Variants in WDR27 observed in about 807,000 individuals in gnomAD.
WDR27 encodes WD repeat domain 27, also known as WD repeat-containing protein 27.
A neutral mutation model predicts 114.4 loss-of-function variants in WDR27; 100 were observed. That is an observed-to-expected ratio of 0.87 (90% CI 0.74 to 1.03). The LOEUF is 1.03. Ranked by LOEUF, WDR27 falls within the 50% of genes least tolerant of loss-of-function variation. The pLI is 0.00. For synonymous variants in WDR27, 449 were observed against 423.1 expected, an observed-to-expected ratio of 1.06 and a Z score of -0.75; for missense variants, 1,129 against 1,092.9, an observed-to-expected ratio of 1.03 and a Z score of -0.47.
At chr6:169,456,446 G>A (rs769316275), downstream of WDR27, among the ~76,000 whole-genome samples, 2 of 152,158 alleles carry the variant, frequency 1.3e-5, no homozygotes, top group Non-Finnish European at 2.9e-5. The surrounding 1 kb of genome is among the most constrained non-coding windows in gnomAD (Gnocchi z 4.0). Context: ...CTCTAGATCA[G>A]GGCATTCCGG....
At chr6:169,687,936 G>A (rs976882421) in intron 2 of WDR27, among the ~76,000 whole-genome samples, 1 of 152,102 alleles carries the variant, frequency 6.6e-6, no homozygotes, top group Admixed American at 6.5e-5. Context: ...GCAATTATGT[G>A]TGTGTGCACC....
chr6:169,582,798 T>C, intron 24 of WDR27, 38 bp downstream of exon 24: 1 of 1,516,450 alleles, frequency 6.6e-7, no homozygotes, highest in East Asian at 2.3e-5. Context: ...AAGACTTGTA[T>C]GCAGCAGAGG....
rs138642064 is a variant in WDR27 at position 169,675,229 on chromosome 6, T to C, written c.190-2833A>G. 1.6e-3 allele frequency among the ~76,000 whole-genome samples: 236 copies of C among 152,202 alleles called. 2 individuals carry two copies. In the East Asian group the frequency reaches 0.038, roughly 24 times the overall value. On this transcript the variant is annotated intron_variant, in intron 2 of 25. Transcript: ENST00000448612. ...TCATGGGGGCAGATCCCTCATGGCA[T>C]GGTGCCATCCTCACCATGGTGAGTT...
Position 169,624,200 on chromosome 6 carries a change from G to A in WDR27, c.2223+8747C>T, listed in dbSNP as rs1584680682. The stretch of plus-strand genomic sequence containing the variant: ...GTGCAGCGTGTGGCATCAGGTGTGC[G>A]GCATGTGGCAGGTGTTCCGTGTGCG... On this transcript the variant is annotated intron_variant, in intron 21 of 25. Transcript: ENST00000448612. 4.0e-5 allele frequency among the ~76,000 whole-genome samples: 6 copies of A among 149,962 alleles called. No homozygotes were observed. The South Asian group carries it at 6.4e-4, about 16-fold the overall frequency.
At chr6:169,551,577 A>G (rs1225032406) in intron 25 of WDR27, among the ~76,000 whole-genome samples, 2 of 152,022 alleles carry the variant, frequency 1.3e-5, no homozygotes, top group Non-Finnish European at 2.9e-5. Flanking sequence ...TCTACTAAAA[A>G]TACAAAAAAA....
intron 25 of WDR27, among the ~76,000 whole-genome samples, chr6:169,526,792 A>T (rs932738943): frequency 6.6e-6 from 1 of 152,216 alleles, no homozygotes; most frequent in African/African-American, 2.4e-5. Flanking sequence ...TAAATAAAGA[A>T]TGATTAAAGC....
chr6:169,588,082 C>G (rs550909664), intron 23 of WDR27, among the ~76,000 whole-genome samples: 1 of 152,142 alleles, frequency 6.6e-6, no homozygotes, highest in Admixed American at 6.6e-5. Context: ...CCGCCTTTTA[C>G]GGTAACACAC....
chr6:169,673,114 G>C (rs565115865), intron 2 of WDR27, among the ~76,000 whole-genome samples: 5 of 152,108 alleles, frequency 3.3e-5, no homozygotes, highest in African/African-American at 7.2e-5. Flanking sequence ...TGAAGATTCC[G>C]TGACCAATGG....
chr6:169,671,356 T>C (rs1778701740), intron 3 of WDR27: 1 of 152,388 alleles, frequency 6.6e-6, no homozygotes, highest in Non-Finnish European at 1.5e-5. Context: ...CAGAGACACG[T>C]GCTCATGTCC....
intron 14 of WDR27, among the ~76,000 whole-genome samples, chr6:169,649,523 C>T (rs1189314799): frequency 6.6e-6 from 1 of 151,972 alleles, no homozygotes; most frequent in African/African-American, 2.4e-5. Context: ...TGGAATAGGA[C>T]CCTGATGCTT....
chr6:169,589,943 T>C (rs1355507990), intron 23 of WDR27, among the ~76,000 whole-genome samples: 1 of 6,590 alleles, frequency 1.5e-4, no homozygotes, highest in East Asian at 0.011. Flanking sequence ...CGGGTAAATC[T>C]TATGCCAGAA....
chr6:169,532,845 C>T (rs1027532039), intron 25 of WDR27, among the ~76,000 whole-genome samples: 21 of 151,530 alleles, frequency 1.4e-4, no homozygotes, highest in African/African-American at 4.1e-4. Flanking sequence ...AAAAAAGATG[C>T]TTCAGATGAA....
intron 17 of WDR27, among the ~76,000 whole-genome samples, chr6:169,639,798 C>T (rs190675745): frequency 6.6e-6 from 1 of 152,292 alleles, no homozygotes; most frequent in African/African-American, 2.4e-5. Context: ...ACCCCTAGAA[C>T]GGCTGTCAGG....
chr6:169,487,308 C>A (rs963595613), intron 25 of WDR27, among the ~76,000 whole-genome samples: 1 of 152,202 alleles, frequency 6.6e-6, no homozygotes, highest in African/African-American at 2.4e-5. Context: ...TATGTCTCCT[C>A]CACTTTGATC....
intron 21 of WDR27, among the ~76,000 whole-genome samples, chr6:169,619,649 T>C (rs1007575983): frequency 5.9e-5 from 9 of 152,210 alleles, no homozygotes; most frequent in East Asian, 1.9e-4. Flanking sequence ...TGGTTGACAA[T>C]TGGTTGAGTT....
intron 18 of WDR27, 107 bp downstream of exon 18, chr6:169,638,432 C>T (rs1818283781): frequency 1.4e-6 from 2 of 1,408,214 alleles, no homozygotes; most frequent in Non-Finnish European, 1.9e-6. Flanking sequence ...AAACTCTTGG[C>T]TTACGTCCCT....
chr6:169,507,483 T>G (rs992683630), intron 25 of WDR27, among the ~76,000 whole-genome samples: 1 of 152,120 alleles, frequency 6.6e-6, no homozygotes, highest in Non-Finnish European at 1.5e-5. Flanking sequence ...TTCAACTGAG[T>G]GAAGACATAT....
At chr6:169,566,717 G>A (rs980765951) in intron 25 of WDR27, among the ~76,000 whole-genome samples, 7 of 152,250 alleles carry the variant, frequency 4.6e-5, no homozygotes, top group Non-Finnish European at 1.0e-4. Context: ...AGGCTGCCAC[G>A]CATACATCCT....
At chr6:169,552,751 T>C (rs1798323023) in intron 25 of WDR27, among the ~76,000 whole-genome samples, 1 of 152,210 alleles carries the variant, frequency 6.6e-6, no homozygotes, top group African/African-American at 2.4e-5. Context: ...AATTTTGTAT[T>C]ACCATATATG....
Sources: allele counts gnomAD v4.1 joint callset (sites outside exome capture counted in the v4.1 genomes callset), GRCh38; gene constraint gnomAD v4.1.1; non-coding constraint Gnocchi (gnomAD v3.1); transcripts MANE v1.5; gene names NCBI Gene and HGNC (gene_info 2026-07-23, HGNC 2026-07-21).